Variants in DNAH11 observed in about 807,000 individuals in gnomAD.
DNAH11 encodes axonemal beta dynein heavy chain 11.
A neutral mutation model predicts 526.0 loss-of-function variants in DNAH11; 442 were observed. That is an observed-to-expected ratio of 0.84 (90% confidence interval 0.78 to 0.91). The LOEUF (loss-of-function observed/expected upper bound fraction) is 0.91, where lower values mean the gene tolerates loss of function less well. Among genes scored for constraint, DNAH11 ranks in the 40% least tolerant of loss-of-function variants. The probability of loss-of-function intolerance (pLI) is 0.00; values close to 1 mark genes in which losing one functional copy is unlikely to be tolerated. For missense variants in DNAH11, 6,989 were observed against 5,448.7 expected, an observed-to-expected ratio of 1.28 and a Z score of -8.90; for synonymous variants, 2,461 against 1,935.9, an observed-to-expected ratio of 1.27 and a Z score of -7.12.
intron 74 of DNAH11, among the ~76,000 whole-genome samples, chr7:21,877,111 A>G (rs1783743595): frequency 6.6e-6 from 1 of 152,202 alleles, no homozygotes; most frequent in Non-Finnish European, 1.5e-5. Context: ...GGTTAGGTAA[A>G]TGAGGACCAG....
chr7:21,607,590 C>A (rs1372332591), intron 20 of DNAH11, among the ~76,000 whole-genome samples: 1 of 152,038 alleles, frequency 6.6e-6, no homozygotes, highest in Non-Finnish European at 1.5e-5. Context: ...TTTTAATTCT[C>A]AGTCTCCCTA....
At chr7:21,772,330 GTGT>G in intron 55 of DNAH11, among the ~76,000 whole-genome samples, 1 of 131,208 alleles carries the variant, frequency 7.6e-6, no homozygotes, top group South Asian at 2.4e-4. Flanking sequence ...AGAGGCCAGA[GTGT>G]TTTTTTTTTT....
intron 54 of DNAH11, 104 bp from the exon 55 acceptor site, chr7:21,765,324 G>A (rs569882167): frequency 4.6e-6 from 7 of 1,532,458 alleles, no homozygotes; most frequent in African/African-American, 4.1e-5. Context: ...GTAGTTTAAT[G>A]TCACAGTTGG....
In DNAH11 at chr7:21,894,925, T is replaced by C. The variant is rs1784454298; in HGVS notation, c.12975T>C (p.Phe4325=). 6.2e-7 allele frequency: 1 copy of C among 1,614,018 alleles called. No individual in the cohort carries two copies. Residue 4325 remains phenylalanine (F), a synonymous_variant, in exon 79 of 82, where the codon TTT becomes TTC. Transcript: ENST00000409508. ...CTCCTGCTGTGGAAGCCCAGCAGTTTGCATTGAGTTATGACACGGTACCAG... is the reference window on the plus strand; with the variant it reads ...CTCCTGCTGTGGAAGCCCAGCAGTTCGCATTGAGTTATGACACGGTACCAG... ...ALSPAVEAQQ[F]ALSYDTVPDT...
At chr7:21,738,595 C>G in intron 46 of DNAH11, 106 bp from the exon 47 acceptor site, 1 of 1,216,510 alleles carries the variant, frequency 8.2e-7, no homozygotes. Context: ...TACCTGAAAC[C>G]ACAGGGTGGA....
At chr7:21,764,709 A>G (rs1224454804) in intron 54 of DNAH11, among the ~76,000 whole-genome samples, 5 of 152,170 alleles carry the variant, frequency 3.3e-5, no homozygotes, top group Non-Finnish European at 1.5e-5. Context: ...TGTCACAGCC[A>G]CCCTCAGGAC....
In DNAH11 at chr7:21,545,148, A is replaced by T; in HGVS notation, c.494A>T (p.Glu165Val). ...SLGHVSAFLD[E>V]ILVPVLSNKN... The stretch of plus-strand genomic sequence containing the variant: ...GGACATGTATCTGCTTTCCTTGATG[A>T]GGTACTGGTCTGTCTTTAATATTTA... Residue 165 changes from glutamate to valine, a missense_variant and splice_region_variant, in exon 2 of 82, where the codon GAG (glutamate) becomes GTG (valine). By Grantham distance (121) the Glu-to-Val change is moderately radical (BLOSUM62 -2). Transcript: ENST00000409508. The T allele has an allele frequency of 1.2e-6, 2 of 1,608,004 alleles. No individual in the cohort carries two copies. Among genetic ancestry groups the T allele is most frequent in the South Asian group, 2.2e-5 (2 of 89,734 alleles).
intron 76 of DNAH11, among the ~76,000 whole-genome samples, chr7:21,889,155 C>T (rs1784240863): frequency 6.6e-6 from 1 of 152,162 alleles, no homozygotes; most frequent in African/African-American, 2.4e-5. Flanking sequence ...AAAATGGACT[C>T]ATACAATATG....
chr7:21,794,977 G>C (rs900666536), intron 61 of DNAH11, among the ~76,000 whole-genome samples: 5 of 152,058 alleles, frequency 3.3e-5, no homozygotes, highest in African/African-American at 1.2e-4. Context: ...GCTGCTCAGA[G>C]TTTTTTACCT....
At position 21,735,641 on chromosome 7, in the gene DNAH11, C is replaced by T. The variant is rs1386366508; in HGVS notation, c.7442C>T (p.Thr2481Ile). The T allele has an allele frequency of 6.3e-7, 1 of 1,577,682 alleles. No individual in the cohort carries two copies. The highest frequency in any genetic ancestry group is 1.9e-5 in the Admixed American group (1 of 53,380). The stretch of plus-strand genomic sequence containing the variant: ...GTCTCATTCTGTTTCTCCTCCCAGA[C>T]AGTTCTCGTTCACACAACAGAGACA... ...FTMDPDVPLQ[T>I]VLVHTTETAR... Residue 2481 changes from threonine to isoleucine, a missense_variant and splice_region_variant, in exon 46 of 82, where the codon ACA (threonine) becomes ATA (isoleucine). Physicochemically the swap from Thr to Ile is moderately conservative, Grantham distance 89. Transcript: ENST00000409508.
At chr7:21,696,746 C>T (rs538877047) in intron 35 of DNAH11, among the ~76,000 whole-genome samples, 1 of 151,916 alleles carries the variant, frequency 6.6e-6, no homozygotes, top group Non-Finnish European at 1.5e-5. Context: ...AGGCCTACAG[C>T]ATGTGCTTGA....
chr7:21,602,849 C>T (rs1785146263), intron 18 of DNAH11, among the ~76,000 whole-genome samples: 1 of 152,100 alleles, frequency 6.6e-6, no homozygotes, highest in Non-Finnish European at 1.5e-5. Context: ...ATACTTGCTC[C>T]CATCAATTTC....
chr7:21,765,966 G>T, intron 55 of DNAH11, among the ~76,000 whole-genome samples: 1 of 152,116 alleles, frequency 6.6e-6, no homozygotes, highest in Admixed American at 6.5e-5. Context: ...AGCCCAAACA[G>T]AAATGTAGTC....
intron 65 of DNAH11, among the ~76,000 whole-genome samples, chr7:21,834,199 AG>A (rs553997637): frequency 5.3e-5 from 8 of 152,324 alleles, no homozygotes; most frequent in Non-Finnish European, 1.0e-4. Context: ...CAATAACAGG[AG>A]AAACTTTGGA....
intron 30 of DNAH11, among the ~76,000 whole-genome samples, chr7:21,663,764 T>G (rs894947328): frequency 1.3e-5 from 2 of 151,844 alleles, no homozygotes; most frequent in Non-Finnish European, 2.9e-5. Context: ...TTCCTTTTTT[T>G]TTTTTTAAAG....
At chr7:21,587,237 C>T (rs1254917530) in intron 9 of DNAH11, among the ~76,000 whole-genome samples, 1 of 152,096 alleles carries the variant, frequency 6.6e-6, no homozygotes, top group African/African-American at 2.4e-5. Flanking sequence ...GCTTTGTGAA[C>T]ACCGGCAGTG....
intron 65 of DNAH11, among the ~76,000 whole-genome samples, chr7:21,833,728 A>G (rs959926984): frequency 4.6e-5 from 7 of 152,018 alleles, no homozygotes; most frequent in Non-Finnish European, 8.8e-5. Flanking sequence ...TAAATAAAAT[A>G]AAAAATCACA....
chr7:21,562,566 A>G (rs1783509273), intron 5 of DNAH11, among the ~76,000 whole-genome samples: 1 of 152,118 alleles, frequency 6.6e-6, no homozygotes, highest in East Asian at 1.9e-4. Flanking sequence ...TTCAGGAAGA[A>G]AACACTTCTC....
chr7:21,637,659 T>G lies in DNAH11; in HGVS notation c.4774T>G (p.Cys1592Gly). 1.1e-5 allele frequency: 17 copies of G among 1,586,892 alleles called. No individual in the cohort carries two copies. Among genetic ancestry groups the G allele is most frequent in the Non-Finnish European group, 1.5e-5 (17 of 1,165,644 alleles). ...AGTAGAAAATGTGTTAGAAGCAACG[T>G]GCAGACCTAATCTCTATGAAAAACT... ...AKVENVLEATCRPNLYEKLKD... is the reference protein window; with the variant it reads ...AKVENVLEATGRPNLYEKLKD... The change falls in exon 27 of 82, where the codon TGC becomes GGC. Residue 1592 changes from cysteine (C) to glycine (G), a missense_variant. Physicochemically the swap from Cys to Gly is radical, Grantham distance 159. Coordinates refer to ENST00000409508, the MANE Select transcript of DNAH11 (RefSeq NM_001277115.2).
Sources: gnomAD v4.1 joint callset for allele counts (sites outside exome capture counted in the v4.1 genomes callset) on GRCh38, gnomAD v4.1.1 for gene constraint, MANE v1.5 for transcripts, NCBI Gene and HGNC (gene_info 2026-07-23, HGNC 2026-07-21) for gene names.